Variants in SPON1 observed in about 807,000 individuals in gnomAD.
SPON1 encodes the protein spondin-1.
A neutral mutation model predicts 111.7 loss-of-function variants in SPON1; 52 were observed. The observed-to-expected ratio is 0.47, with a 90% CI of 0.37 to 0.59. The LOEUF is 0.59. SPON1 is among the 20% of genes least tolerant of loss of function. SPON1 has a pLI of 0.00. For synonymous variants in SPON1, 410 were observed against 395.8 expected (o/e 1.04, Z -0.43); for missense variants, 957 against 1,068.5 (o/e 0.90, Z 1.46).
intron 3 of SPON1, among the ~76,000 whole-genome samples, chr11:14,068,363 G>A (rs1343517477): frequency 6.6e-6 from 1 of 152,132 alleles, no homozygotes; most frequent in East Asian, 1.9e-4. Flanking sequence ...TGTGCAATGC[G>A]AATTGAGAGC....
intron 3 of SPON1, among the ~76,000 whole-genome samples, chr11:14,046,144 A>G (rs1248278868): frequency 6.6e-6 from 1 of 152,186 alleles, no homozygotes; most frequent in African/African-American, 2.4e-5. Flanking sequence ...AGGGCTATAC[A>G]AGGAGGGCCT....
chr11:14,129,666 G>T (rs1847504074), intron 5 of SPON1, among the ~76,000 whole-genome samples: 1 of 151,968 alleles, frequency 6.6e-6, no homozygotes, highest in East Asian at 1.9e-4. Context: ...ACATTTTCAG[G>T]TATCTTTATA....
At chr11:14,071,297 G>T (rs2133827949) in intron 3 of SPON1, among the ~76,000 whole-genome samples, 1 of 152,182 alleles carries the variant, frequency 6.6e-6, no homozygotes, top group South Asian at 2.1e-4. Context: ...CCAAAGTCTT[G>T]GTCTCCACTA....
At chr11:13,989,603 G>A (rs1848212097) in intron 2 of SPON1, among the ~76,000 whole-genome samples, 2 of 151,974 alleles carry the variant, frequency 1.3e-5, no homozygotes, top group Admixed American at 1.3e-4. Flanking sequence ...GAATTTGTTT[G>A]CTGTTGCTTC....
At chr11:14,132,348 A>C (rs1554927596) in intron 5 of SPON1, among the ~76,000 whole-genome samples, 1 of 152,170 alleles carries the variant, frequency 6.6e-6, no homozygotes, top group Non-Finnish European at 1.5e-5. Context: ...TGTATTGGCT[A>C]GGAGGTTGAA....
intron 9 of SPON1, among the ~76,000 whole-genome samples, chr11:14,256,157 G>T (rs1319800141): frequency 6.6e-6 from 1 of 152,218 alleles, no homozygotes; most frequent in Non-Finnish European, 1.5e-5. Context: ...TAAGGCAGGA[G>T]AATTGCTTGA....
rs71041572 is a variant in SPON1 at position 14,141,029 on chromosome 11, C to CCCCCCCCCCCCCCCCCCA, written c.825+5461_825+5462insCCCCCCCCCCCCCCCCCA. Among the ~76,000 whole-genome samples, 2 of 132,274 alleles carry CCCCCCCCCCCCCCCCCCA rather than the reference C, an allele frequency of 1.5e-5. 1 individual carries two copies. The highest frequency in any genetic ancestry group is 5.5e-5 in the African/African-American group (2 of 36,250). 86.8% of individuals were successfully genotyped at this position (132,274 alleles called of 152,430 possible). On this transcript the variant is annotated intron_variant, in intron 6 of 15. Coordinates refer to ENST00000576479, the MANE Select transcript of SPON1 (RefSeq NM_006108.4). ...CCACTGTATGCAGGCGTGCCCCCCC[C>CCCCCCCCCCCCCCCCCCA]ATGCCCCACTTCTCACTGGCTCAAG...
At chr11:14,012,573 A>C (rs1848414026) in intron 2 of SPON1, among the ~76,000 whole-genome samples, 1 of 152,154 alleles carries the variant, frequency 6.6e-6, no homozygotes. Context: ...TCTAAGTGTT[A>C]ACCATTTTGT....
At chr11:14,264,220 C>T (rs1316755594) in intron 15 of SPON1, among the ~76,000 whole-genome samples, 3 of 152,100 alleles carry the variant, frequency 2.0e-5, no homozygotes, top group Admixed American at 6.5e-5. Flanking sequence ...CCACACAAGG[C>T]CAGTGGCCCA....
At chr11:14,141,514 T>C (rs782349136) in intron 6 of SPON1, among the ~76,000 whole-genome samples, 3 of 152,218 alleles carry the variant, frequency 2.0e-5, no homozygotes, top group Non-Finnish European at 2.9e-5. Context: ...GGTCAGATAA[T>C]GGTGGACCCT....
chr11:14,035,614 C>CTTTT (rs57790720), intron 2 of SPON1, among the ~76,000 whole-genome samples: 5 of 132,286 alleles, frequency 3.8e-5, no homozygotes, highest in Admixed American at 2.3e-4. Flanking sequence ...ACACTTAGTT[C>CTTTT]TTTTTTTTTT....
At chr11:14,107,635 T>C (rs1054555587) in intron 5 of SPON1, among the ~76,000 whole-genome samples, 1 of 148,688 alleles carries the variant, frequency 6.7e-6, no homozygotes, top group Admixed American at 6.7e-5. Context: ...GCTTTTAATG[T>C]GGAAGCTAAA....
intron 6 of SPON1, among the ~76,000 whole-genome samples, chr11:14,145,388 TA>T (rs1199305484): frequency 1.3e-5 from 2 of 152,190 alleles, no homozygotes; most frequent in African/African-American, 4.8e-5. Context: ...ATTCAAGACT[TA>T]CAGAATATTT....
At chr11:14,051,223 G>A (rs1411305504) in intron 3 of SPON1, among the ~76,000 whole-genome samples, 1 of 152,100 alleles carries the variant, frequency 6.6e-6, no homozygotes, top group African/African-American at 2.4e-5. Flanking sequence ...CTCAAAAATG[G>A]GATTAGTGCC....
At chr11:14,260,929 AAAGT>A (rs1197353033) in intron 14 of SPON1, among the ~76,000 whole-genome samples, 177 bp downstream of exon 14, 1 of 152,214 alleles carries the variant, frequency 6.6e-6, no homozygotes, top group Non-Finnish European at 1.5e-5. Flanking sequence ...TTTCATTAAT[AAAGT>A]GAGAATCCCA....
At chr11:14,260,539 GAAAAC>G in intron 13 of SPON1, 44 bp from the exon 14 acceptor site, 1 of 1,580,770 alleles carries the variant, frequency 6.3e-7, no homozygotes, top group Non-Finnish European at 8.6e-7. Context: ...GGAGATCAAC[GAAAAC>G]AAAAGGAACC....
At chr11:14,197,423 G>A (rs1291089003) in intron 6 of SPON1, among the ~76,000 whole-genome samples, 1 of 151,756 alleles carries the variant, frequency 6.6e-6, no homozygotes, top group Non-Finnish European at 1.5e-5. Context: ...AGCATCTGGG[G>A]GGCAAATCTA....
Position 14,262,748 on chromosome 11 carries a change from C to A in SPON1, c.2033C>A (p.Ser678Ter). ...GAGCTCACCGAGTGGTCCCAGTGGT[C>A]GGAATGTAACAAGTCATGTGGGAAA... The part of the protein sequence containing the change: ...DCELTEWSQW[S>*]ECNKSCGKGH... The change falls in exon 15 of 16, where the codon TCG (serine) becomes TAG (stop). Residue 678 changes from serine to a stop codon, truncating the protein, a stop_gained. Transcript: ENST00000576479. LOFTEE classifies it high-confidence loss of function. 6.2e-7 allele frequency: 1 copy of A among 1,613,776 alleles called. No homozygotes were observed. The highest frequency in any genetic ancestry group is 8.5e-7 in the Non-Finnish European group (1 of 1,179,884).
intron 3 of SPON1, among the ~76,000 whole-genome samples, chr11:14,065,260 C>G (rs1322423245): frequency 6.6e-6 from 1 of 152,206 alleles, no homozygotes; most frequent in African/African-American, 2.4e-5. Flanking sequence ...GGACAGTGCT[C>G]TTGCAGTCAG....
Sources: gnomAD v4.1 joint callset for allele counts (sites outside exome capture counted in the v4.1 genomes callset) on GRCh38, gnomAD v4.1.1 for gene constraint, MANE v1.5 for transcripts, NCBI Gene and HGNC (gene_info 2026-07-23, HGNC 2026-07-21) for gene names.